TRPC1: variants seen among roughly 807,000 people sequenced by gnomAD.
The protein encoded by TRPC1 is transient receptor potential cation channel subfamily C member 1.
A neutral mutation model predicts 88.2 loss-of-function variants in TRPC1; 42 were observed. The observed-to-expected ratio is 0.48, with a 90% CI of 0.37 to 0.62. The LOEUF (loss-of-function observed/expected upper bound fraction) is 0.62. Among genes scored for constraint, TRPC1 ranks in the 20% least tolerant of loss-of-function variants. The pLI is 0.00. For missense variants in TRPC1, 699 were observed against 957.3 expected (o/e 0.73, Z 3.56); for synonymous variants, 288 against 331.8 (o/e 0.87, Z 1.43).
chr3:142,774,824 C>T (rs73232707), intron 4 of TRPC1, among the ~76,000 whole-genome samples: 16,189 of 151,914 alleles, frequency 0.11, 1,029 homozygotes, highest in Non-Finnish European at 0.15. Flanking sequence ...CTTCATTATT[C>T]GTCAGATTAT....
At chr3:142,762,428 A>AT (rs755194552) in intron 4 of TRPC1, among the ~76,000 whole-genome samples, 2,842 of 103,588 alleles carry the variant, frequency 0.027, 99 homozygotes, top group African/African-American at 0.06. Flanking sequence ...TTTATTCTTG[A>AT]TTTTTTTTTT....
At chr3:142,784,157 G>T (rs6772222) in intron 6 of TRPC1, among the ~76,000 whole-genome samples, 52,948 of 151,862 alleles carry the variant, frequency 0.35, 12,706 homozygotes, top group African/African-American at 0.69. Flanking sequence ...CTTGGCTTCT[G>T]GTAACTAAAA....
chr3:142,733,287 A>G (rs962436035), intron 1 of TRPC1, among the ~76,000 whole-genome samples: 1 of 152,146 alleles, frequency 6.6e-6, no homozygotes. Context: ...CAAGGCGGGC[A>G]GATCACTTGA....
intron 6 of TRPC1, 25 bp downstream of exon 6, chr3:142,781,054 T>G: frequency 1.9e-6 from 3 of 1,573,322 alleles, no homozygotes; most frequent in Non-Finnish European, 2.6e-6. Flanking sequence ...GTAATATATT[T>G]AAATTATTTT....
chr3:142,730,855 A>T (rs1933875738), intron 1 of TRPC1, among the ~76,000 whole-genome samples: 1 of 152,194 alleles, frequency 6.6e-6, no homozygotes, highest in Non-Finnish European at 1.5e-5. Context: ...ACTTGGTTTG[A>T]AAAGCTTTAC....
rs1323845739 is a variant in TRPC1 at position 142,734,572 on chromosome 3, A to C, written c.173-1807A>C. On this transcript the variant is annotated intron_variant, in intron 1 of 12. Transcript: ENST00000476941. Reference sequence around the variant, plus strand: ...GTTGACAAGAGAAAAAGCAATATGGAGATGAAGCAATATTTGAAGAGAGAA... The same window carrying C: ...GTTGACAAGAGAAAAAGCAATATGGCGATGAAGCAATATTTGAAGAGAGAA... Among the ~76,000 whole-genome samples the C allele has an allele frequency of 4.6e-5, 7 of 152,172 alleles. No homozygotes were observed. The East Asian group carries it at 1.3e-3, about 29-fold the overall frequency.
intron 4 of TRPC1, among the ~76,000 whole-genome samples, chr3:142,769,145 T>C (rs1935493665): frequency 6.6e-6 from 1 of 152,146 alleles, no homozygotes; most frequent in African/African-American, 2.4e-5. Context: ...TGAACTTTAA[T>C]GAGATAGAAT....
intron 1 of TRPC1, among the ~76,000 whole-genome samples, chr3:142,732,728 C>CA (rs1038291555): frequency 1.1e-4 from 16 of 151,986 alleles, no homozygotes; most frequent in Non-Finnish European, 2.1e-4. Flanking sequence ...ACCATCTAGC[C>CA]AAAAAAGTAA....
chr3:142,728,609 C>G (rs1933777027), intron 1 of TRPC1, among the ~76,000 whole-genome samples: 2 of 152,302 alleles, frequency 1.3e-5, no homozygotes, highest in Admixed American at 1.3e-4. Context: ...GCGTGGGCCA[C>G]CGTGCCTGGC....
Position 142,748,308 on chromosome 3 carries a change from T to C in TRPC1, c.480T>C (p.Val160=). 6.2e-7 allele frequency: 1 copy of C among 1,614,138 alleles called. No homozygotes were observed. The highest frequency in any genetic ancestry group is 1.1e-5 in the South Asian group (1 of 91,078). The change falls in exon 4 of 13, where the codon GTT becomes GTC. Residue 160 remains valine, a synonymous_variant. Transcript: ENST00000476941. ...QNPEYSTTMD[V]APVILAAHRN... is the part of the protein sequence containing the mutation. ...CTGAGTATTCAACAACTATGGATGT[T>C]GCACCTGTCATTTTAGCTGCTCATC...
chr3:142,747,711 AAGT>A (rs1934607447), intron 3 of TRPC1, among the ~76,000 whole-genome samples: 1 of 152,210 alleles, frequency 6.6e-6, no homozygotes, highest in Non-Finnish European at 1.5e-5. Context: ...TTATAGTAGG[AAGT>A]AGTATATGTA....
chr3:142,728,512 G>T (rs1933771340), intron 1 of TRPC1, among the ~76,000 whole-genome samples: 1 of 151,964 alleles, frequency 6.6e-6, no homozygotes, highest in African/African-American at 2.4e-5. Context: ...GTAGAGACAG[G>T]GTTTCACCAT....
At chr3:142,793,090 G>A in intron 9 of TRPC1, 123 bp downstream of exon 9, 1 of 832,232 alleles carries the variant, frequency 1.2e-6, no homozygotes, top group Non-Finnish European at 1.7e-6. Context: ...TTGAGAATAA[G>A]TAGCAATTAG....
chr3:142,743,174 GA>G (rs11288239), intron 2 of TRPC1, among the ~76,000 whole-genome samples: 25,547 of 151,676 alleles, frequency 0.17, 2,319 homozygotes, highest in Middle Eastern at 0.25. Context: ...TAAGGATCTT[GA>G]AAAAAAATTT....
intron 4 of TRPC1, among the ~76,000 whole-genome samples, chr3:142,775,121 A>T (rs550214551): frequency 6.6e-6 from 1 of 152,196 alleles, no homozygotes; most frequent in Non-Finnish European, 1.5e-5. Flanking sequence ...GTCTTCAGAA[A>T]TCCTTAATAT....
At chr3:142,772,606 G>C (rs954196233) in intron 4 of TRPC1, among the ~76,000 whole-genome samples, 1 of 152,068 alleles carries the variant, frequency 6.6e-6, no homozygotes. Flanking sequence ...GACCAGCCTG[G>C]CTAATATGGT....
At chr3:142,734,644 T>A (rs957803044) in intron 1 of TRPC1, among the ~76,000 whole-genome samples, 1 of 151,994 alleles carries the variant, frequency 6.6e-6, no homozygotes, top group Non-Finnish European at 1.5e-5. Flanking sequence ...GTCCTTAGAT[T>A]TAGAAAGCCT....
chr3:142,797,924 A>G (rs926423957), intron 9 of TRPC1, among the ~76,000 whole-genome samples: 13 of 152,144 alleles, frequency 8.5e-5, no homozygotes, highest in African/African-American at 3.1e-4. Flanking sequence ...TTAATTTAGT[A>G]GCCTGTATAA....
chr3:142,725,767 TTTTG>T (rs535931709), intron 1 of TRPC1, among the ~76,000 whole-genome samples: 5 of 152,240 alleles, frequency 3.3e-5, no homozygotes, highest in South Asian at 2.1e-4. Context: ...TACACAGGAT[TTTTG>T]TTTGTTTGTT....
Sources: gnomAD v4.1 joint callset for allele counts (sites outside exome capture counted in the v4.1 genomes callset) on GRCh38, gnomAD v4.1.1 for gene constraint, MANE v1.5 for transcripts, NCBI Gene and HGNC (gene_info 2026-07-23, HGNC 2026-07-21) for gene names.